ST8SIA1: variants seen among roughly 807,000 people sequenced by gnomAD.
ST8SIA1 encodes the protein ST8 alpha-N-acetyl-neuraminide alpha-2,8-sialyltransferase 1.
In ST8SIA1, 16 loss-of-function variants were observed where a neutral mutation model predicts 35.9. That is an observed-to-expected ratio of 0.45 (90% confidence interval 0.30 to 0.68). The LOEUF is 0.68. Ranked by LOEUF, ST8SIA1 falls within the 30% of genes least tolerant of loss-of-function variation. ST8SIA1 has a pLI of 0.09. For missense variants in ST8SIA1, 383 were observed against 453.6 expected (o/e 0.84, Z 1.41); for synonymous variants, 170 against 169.6 (o/e 1.00, Z -0.02).
chr12:22,229,480 G>A (rs1230164601), intron 4 of ST8SIA1, among the ~76,000 whole-genome samples: 6 of 151,968 alleles, frequency 3.9e-5, no homozygotes, highest in Admixed American at 6.6e-5. Context: ...ACTGGGCATG[G>A]TGGCATGCAC....
At position 22,211,192 on chromosome 12, in the gene ST8SIA1, C is replaced by T. The variant is rs1173834022; in HGVS notation, c.585-9154G>A. ...TGTATGGAGGAAGGAATCTGCAACC[C>T]TCCAGGAACTTTCCCATGTTCAGCT... is the stretch of plus-strand genomic sequence containing the variant. On this transcript the variant is annotated intron_variant, in intron 4 of 4. Coordinates refer to ENST00000396037, the MANE Select transcript of ST8SIA1 (RefSeq NM_003034.4). 5.3e-5 allele frequency among the ~76,000 whole-genome samples: 8 copies of T among 152,336 alleles called. No homozygotes were observed. The East Asian group carries it at 1.4e-3, about 26-fold the overall frequency.
Position 22,201,585 on chromosome 12 carries a change from T to C in ST8SIA1, c.1038A>G (p.Pro346=), listed in dbSNP as rs773787008. 1 of 1,612,986 alleles carries C rather than the reference T, an allele frequency of 6.2e-7. No homozygotes were observed. Among genetic ancestry groups the C allele is most frequent in the African/African-American group, 1.3e-5 (1 of 74,910 alleles). ...TGGGCTGGAGTGAGGTATCTTCACA[T>C]GGGTCCAGCTGCATTCTCAGTGCAC... ...KIGALRMQLD[P]CEDTSLQPTS is the part of the protein sequence containing the mutation. The change falls in exon 5 of 5, where the codon CCA becomes CCG. Residue 346 remains proline (P), a synonymous_variant. Coordinates refer to ENST00000396037, the MANE Select transcript of ST8SIA1 (RefSeq NM_003034.4).
intron 4 of ST8SIA1, among the ~76,000 whole-genome samples, chr12:22,212,564 T>C (rs1400132694): frequency 6.6e-6 from 1 of 152,172 alleles, no homozygotes. Flanking sequence ...AGCTATTCCA[T>C]TGATAGATAA....
chr12:22,252,915 C>G (rs554293315), intron 3 of ST8SIA1, among the ~76,000 whole-genome samples: 1 of 152,310 alleles, frequency 6.6e-6, no homozygotes, highest in East Asian at 1.9e-4. Flanking sequence ...CTACGTGTAT[C>G]AAGGCCACTT....
At chr12:22,216,036 G>T (rs1865230517) in intron 4 of ST8SIA1, among the ~76,000 whole-genome samples, 1 of 152,162 alleles carries the variant, frequency 6.6e-6, no homozygotes, top group South Asian at 2.1e-4. Flanking sequence ...ATTGTGTCTG[G>T]ATGAGAAAGA....
chr12:22,207,064 AAG>A (rs1865117437), intron 4 of ST8SIA1, among the ~76,000 whole-genome samples: 1 of 152,214 alleles, frequency 6.6e-6, no homozygotes, highest in Non-Finnish European at 1.5e-5. Context: ...AGGTTCAAGT[AAG>A]AGAAAAATAC....
At chr12:22,316,685 G>A (rs1486017909) in intron 1 of ST8SIA1, among the ~76,000 whole-genome samples, 2 of 152,052 alleles carry the variant, frequency 1.3e-5, no homozygotes, top group Admixed American at 1.3e-4. Flanking sequence ...AAGACAAATT[G>A]AGAAAAATAT....
chr12:22,318,811 A>G (rs1248327936), intron 1 of ST8SIA1, among the ~76,000 whole-genome samples: 2 of 152,234 alleles, frequency 1.3e-5, no homozygotes, highest in East Asian at 1.9e-4. Flanking sequence ...ATAAGGGACT[A>G]TCAGGCTTTG....
At chr12:22,270,410 T>G (rs1865898672) in intron 2 of ST8SIA1, among the ~76,000 whole-genome samples, 1 of 152,228 alleles carries the variant, frequency 6.6e-6, no homozygotes, top group Non-Finnish European at 1.5e-5. Context: ...CAACCTACTC[T>G]TTGGTAGGTT....
intron 3 of ST8SIA1, among the ~76,000 whole-genome samples, chr12:22,249,515 C>CA (rs1270497568): frequency 2.0e-5 from 3 of 151,912 alleles, no homozygotes; most frequent in African/African-American, 7.2e-5. Context: ...CCACTGCACC[C>CA]AGCCAGTAAC....
chr12:22,287,295 T>C lies in ST8SIA1; in HGVS notation c.237-2A>G, dbSNP rs773664378. The C allele has an allele frequency of 6.2e-7, 1 of 1,610,060 alleles. No homozygotes were observed. Among genetic ancestry groups the C allele is most frequent in the Non-Finnish European group, 8.5e-7 (1 of 1,178,422 alleles). On this transcript the variant is annotated splice_acceptor_variant, in intron 1 of 4. Coordinates refer to ENST00000396037, the MANE Select transcript of ST8SIA1 (RefSeq NM_003034.4). LOFTEE classifies it high-confidence loss of function. ...TCGCAGCAGTCTTCCATTTGTTTCC[T>C]AGGAGAGAAAACAGAGAGAGAGAAA...
chr12:22,245,961 T>C (rs769886943), intron 4 of ST8SIA1, among the ~76,000 whole-genome samples: 2 of 152,176 alleles, frequency 1.3e-5, no homozygotes, highest in African/African-American at 2.4e-5. Flanking sequence ...GGAAGCTCCA[T>C]GTCCCTTCCC....
chr12:22,273,986 T>C (rs1219246873), intron 2 of ST8SIA1, among the ~76,000 whole-genome samples: 2 of 152,098 alleles, frequency 1.3e-5, no homozygotes, highest in East Asian at 3.9e-4. Flanking sequence ...CCCCAGGAAA[T>C]GGTTCTCAAA....
At chr12:22,293,730 C>T (rs1866209486) in intron 1 of ST8SIA1, among the ~76,000 whole-genome samples, 2 of 152,154 alleles carry the variant, frequency 1.3e-5, no homozygotes, top group East Asian at 1.9e-4. Context: ...CACACAATAT[C>T]AGTTTATAAA....
intron 2 of ST8SIA1, among the ~76,000 whole-genome samples, chr12:22,275,238 C>T (rs1865955437): frequency 6.6e-6 from 1 of 152,116 alleles, no homozygotes; most frequent in Non-Finnish European, 1.5e-5. Context: ...AAATGCAAGT[C>T]ACTTAGTAAA....
chr12:22,302,621 G>A (rs1317213879), intron 1 of ST8SIA1, among the ~76,000 whole-genome samples: 1 of 152,062 alleles, frequency 6.6e-6, no homozygotes, highest in Non-Finnish European at 1.5e-5. Flanking sequence ...TAATTTTCTT[G>A]TAAAATGTTT....
chr12:22,224,828 G>T (rs1269504668), intron 4 of ST8SIA1, among the ~76,000 whole-genome samples: 1 of 152,156 alleles, frequency 6.6e-6, no homozygotes, highest in Non-Finnish European at 1.5e-5. Flanking sequence ...CTGATCCCCA[G>T]AAAGTTCACA....
chr12:22,250,983 T>C (rs1319091918), intron 3 of ST8SIA1, among the ~76,000 whole-genome samples: 9 of 152,036 alleles, frequency 5.9e-5, no homozygotes, highest in Admixed American at 2.6e-4. Flanking sequence ...GGTTGCCCCA[T>C]ATCCCATGTG....
At chr12:22,325,755 C>A (rs1866667994) in intron 1 of ST8SIA1, 2 of 643,058 alleles carry the variant, frequency 3.1e-6, no homozygotes, top group South Asian at 1.8e-5. Context: ...AAGAGATGAA[C>A]AATAATAACT....
Sources: allele counts gnomAD v4.1 joint callset (sites outside exome capture counted in the v4.1 genomes callset), GRCh38; gene constraint gnomAD v4.1.1; transcripts MANE v1.5; gene names NCBI Gene and HGNC (gene_info 2026-07-23, HGNC 2026-07-21).